ESR2: variants seen among roughly 807,000 people sequenced by gnomAD.
ESR2 encodes estrogen receptor beta.
Under a neutral mutation model 49.6 loss-of-function variants are expected in ESR2, and 36 were observed. The ratio of observed to expected loss-of-function variants is 0.73; its 90% confidence interval spans 0.56 to 0.96. The LOEUF is 0.96. Ranked by LOEUF, ESR2 falls within the 40% of genes least tolerant of loss-of-function variation. The probability of loss-of-function intolerance (pLI) is 0.00; values close to 1 mark genes in which losing one functional copy is unlikely to be tolerated. For synonymous variants in ESR2, 320 were observed against 266.1 expected (o/e 1.20, Z -1.97); for missense variants, 714 against 693.0 (o/e 1.03, Z -0.34).
intron 3 of ESR2, among the ~76,000 whole-genome samples, chr14:64,270,524 T>G (rs1163698063): frequency 6.6e-6 from 1 of 152,212 alleles, no homozygotes; most frequent in Non-Finnish European, 1.5e-5. Flanking sequence ...AATTTTTTTT[T>G]TTTTGAGACA....
chr14:64,289,264 G>A (rs185085120), intron 1 of ESR2, among the ~76,000 whole-genome samples: 4 of 152,242 alleles, frequency 2.6e-5, no homozygotes, highest in Admixed American at 1.3e-4. Flanking sequence ...TGTAACCCCA[G>A]CACTTTGGGA....
upstream of ESR2, among the ~76,000 whole-genome samples, chr14:64,295,001 C>T (rs1403450781): frequency 1.3e-5 from 2 of 152,252 alleles, no homozygotes; most frequent in African/African-American, 4.8e-5. Flanking sequence ...CCTGCCCACC[C>T]CTCTTCTCGG....
chr14:64,336,430 C>T (rs1378304232), intron 1 of ESR2: 1 of 152,176 alleles, frequency 6.6e-6, no homozygotes, highest in Non-Finnish European at 1.5e-5. Flanking sequence ...ACAGGCCATT[C>T]TCAGTCTTCA....
chr14:64,280,698 G>C (rs1023965635), intron 2 of ESR2, among the ~76,000 whole-genome samples: 1 of 152,170 alleles, frequency 6.6e-6, no homozygotes, highest in Non-Finnish European at 1.5e-5. Context: ...TGCAATTTCA[G>C]ATAAAGGTCT....
rs1217623435 is a variant in ESR2, at chr14:64,235,099, A to C, written c.1277T>G (p.Leu426Arg). 2 of 1,614,174 alleles carry C rather than the reference A, an allele frequency of 1.2e-6. No individual in the cohort carries two copies. The highest frequency in any genetic ancestry group is 1.7e-5 in the Admixed American group (1 of 60,030). The change falls in exon 8 of 9, where the codon CTG (leucine) becomes CGG (arginine). Residue 426 changes from leucine (L) to arginine (R), a missense_variant. Coordinates refer to ENST00000341099, the MANE Select transcript of ESR2 (RefSeq NM_001437.3). The stretch of plus-strand genomic sequence containing the variant: ...GGTCACGGCGTTCAGCAAGTGAGCC[A>C]GCTTCCGGCTGCTGTCAGCATCCTG... ...ATQDADSSRK[L>R]AHLLNAVTDA...
intron 1 of ESR2, among the ~76,000 whole-genome samples, chr14:64,311,892 G>T (rs1012357440): frequency 5.3e-5 from 8 of 152,078 alleles, no homozygotes; most frequent in Non-Finnish European, 7.4e-5. Context: ...TTTTAAAAAT[G>T]AAGGAATCTT....
At position 64,254,004 on chromosome 14, in the gene ESR2, A is replaced by C. The variant is rs567750208; in HGVS notation, c.1091+3222T>G. ...CTTCACGTGAATTTATGATGAATTT[A>C]GTGGTTAGTAAAAGAAAAACTAAAT... On this transcript the variant is annotated intron_variant, in intron 6 of 8. Coordinates refer to ENST00000341099, the MANE Select transcript of ESR2 (RefSeq NM_001437.3). Among the ~76,000 whole-genome samples, 211 of 152,302 alleles carry C rather than the reference A, an allele frequency of 1.4e-3. 2 individuals carry two copies. The highest frequency in any genetic ancestry group is 0.014 in the Admixed American group (211 of 15,294).
At chr14:64,252,464 T>A (rs369362546) in intron 6 of ESR2, among the ~76,000 whole-genome samples, 2 of 152,174 alleles carry the variant, frequency 1.3e-5, no homozygotes, top group African/African-American at 4.8e-5. Context: ...ACATGGAATA[T>A]CTTTGTATTA....
At chr14:64,252,005 G>A (rs1452083335) in intron 6 of ESR2, among the ~76,000 whole-genome samples, 1 of 152,130 alleles carries the variant, frequency 6.6e-6, no homozygotes, top group African/African-American at 2.4e-5. Context: ...TTAGGACAGG[G>A]TTAAAAGAGT....
chr14:64,230,388 T>C lies in ESR2; in HGVS notation c.*2749A>G, dbSNP rs2098726060. On this transcript the variant is annotated 3_prime_UTR_variant, in exon 9 of 9. Transcript: ENST00000341099. ...TTCCACTTATATACATAAATATATA[T>C]GGATATATAATATGGCTCTGCCAAG... Among the ~76,000 whole-genome samples, 1 of 152,128 alleles carries C rather than the reference T, an allele frequency of 6.6e-6. No individual in the cohort carries two copies. Among genetic ancestry groups the C allele is most frequent in the Non-Finnish European group, 1.5e-5 (1 of 68,028 alleles).
chr14:64,272,522 A>G lies in ESR2; in HGVS notation c.536-3611T>C, dbSNP rs149525078. ...CCGTGTTTTCTTTTAGTAGTTTCAT[A>G]GTTTGAGGCCTTAGATTTAAGTCAC... On this transcript the variant is annotated intron_variant, in intron 3 of 8. Coordinates refer to ENST00000341099, the MANE Select transcript of ESR2 (RefSeq NM_001437.3). Among the ~76,000 whole-genome samples the G allele has an allele frequency of 1.9e-4, 29 of 152,146 alleles. 1 individual carries two copies. Among genetic ancestry groups the G allele is most frequent in the Non-Finnish European group, 4.4e-5 (3 of 68,036 alleles).
chr14:64,242,453 T>A (rs2776608), intron 7 of ESR2, among the ~76,000 whole-genome samples: 9,085 of 118,026 alleles, frequency 0.077, 361 homozygotes, highest in African/African-American at 0.15. Context: ...ACAAAAAAAA[T>A]ATATATATAT....
At chr14:64,257,071 T>C (rs1434132822) in intron 6 of ESR2, among the ~76,000 whole-genome samples, 155 bp downstream of exon 6, 3 of 152,208 alleles carry the variant, frequency 2.0e-5, no homozygotes, top group Non-Finnish European at 2.9e-5. Context: ...ACTCTCTCCT[T>C]CTCTGGTTCT....
At chr14:64,248,697 C>CTAGGATGT (rs2075920682) in intron 7 of ESR2, among the ~76,000 whole-genome samples, 2 of 151,988 alleles carry the variant, frequency 1.3e-5, no homozygotes, top group African/African-American at 4.8e-5. Flanking sequence ...ATCTGCATAT[C>CTAGGATGT]CTAGACACCT....
At chr14:64,323,202 T>C (rs1184542046) in intron 1 of ESR2, among the ~76,000 whole-genome samples, 2 of 152,118 alleles carry the variant, frequency 1.3e-5, no homozygotes, top group African/African-American at 4.8e-5. Flanking sequence ...AGGCACATGT[T>C]ATTTTGTTTT....
chr14:64,315,121 G>A (rs527455173), intron 1 of ESR2, among the ~76,000 whole-genome samples: 2 of 151,020 alleles, frequency 1.3e-5, no homozygotes, highest in South Asian at 2.1e-4. Flanking sequence ...GTGTGTGCCT[G>A]TAGTCCCAGC....
rs564463396 is a variant in ESR2 at position 64,337,654 on chromosome 14, T to C, written c.-91+244A>G. ...ATTAAAATGGGTGAACGTTATGGTA[T>C]GTACATTATACTTGATAAAACTGTT... On this transcript the variant is annotated intron_variant, in intron 1 of 8. Coordinates refer to the ESR2 transcript ENST00000358599. The C allele has an allele frequency of 3.9e-5, 6 of 152,324 alleles. No individual in the cohort carries two copies. In the East Asian group the frequency reaches 1.2e-3, roughly 29 times the overall value. 9.4% of individuals were successfully genotyped at this position (152,324 alleles called of 1,614,324 possible).
rs554632555 is a variant in ESR2 at position 64,275,569 on chromosome 14, G to T, written c.535+4412C>A. 2.6e-5 allele frequency among the ~76,000 whole-genome samples: 4 copies of T among 152,184 alleles called. No individual in the cohort carries two copies. In the East Asian group the frequency reaches 7.7e-4, roughly 29 times the overall value. On this transcript the variant is annotated intron_variant, in intron 3 of 8. Coordinates refer to ENST00000341099, the MANE Select transcript of ESR2 (RefSeq NM_001437.3). ...AATACAAAAATTAGCCAGGCGTGGT[G>T]GTGGGTGTCTGTAATCCCAGCTACT... is the stretch of plus-strand genomic sequence containing the variant.
At chr14:64,292,373 T>C (rs900112460) in intron 1 of ESR2, among the ~76,000 whole-genome samples, 4 of 152,208 alleles carry the variant, frequency 2.6e-5, no homozygotes, top group Non-Finnish European at 5.9e-5. Flanking sequence ...GGAACTGTTC[T>C]GTGTCATGTG....
Sources: gnomAD v4.1 joint callset for allele counts (sites outside exome capture counted in the v4.1 genomes callset) on GRCh38, gnomAD v4.1.1 for gene constraint, MANE v1.5 for transcripts, NCBI Gene and HGNC (gene_info 2026-07-23, HGNC 2026-07-21) for gene names.